KCNJ6: variants seen among roughly 807,000 people sequenced by gnomAD.
KCNJ6 encodes G protein-activated inward rectifier potassium channel 2.
Under a neutral mutation model 34.2 loss-of-function variants are expected in KCNJ6, and 9 were observed. The observed-to-expected ratio is 0.26, with a 90% CI of 0.16 to 0.46. KCNJ6 has a LOEUF of 0.46. Among genes scored for constraint, KCNJ6 ranks in the 20% least tolerant of loss-of-function variants. The pLI is 1.00. For synonymous variants in KCNJ6, 196 were observed against 207.1 expected (o/e 0.95, Z 0.46); for missense variants, 236 against 531.3 (o/e 0.44, Z 5.46).
At chr21:37,775,867 G>GT (rs550048944) in intron 2 of KCNJ6, among the ~76,000 whole-genome samples, 3 of 151,812 alleles carry the variant, frequency 2.0e-5, no homozygotes, top group African/African-American at 4.8e-5. Context: ...CTTTAAAGTA[G>GT]TTTTTTCCAA....
intron 3 of KCNJ6, among the ~76,000 whole-genome samples, chr21:37,645,830 T>G (rs78996972): frequency 0.025 from 3,879 of 152,220 alleles, 121 homozygotes; most frequent in African/African-American, 0.07. Context: ...TTTTTACTAT[T>G]AGAGCTGTCT....
intron 1 of KCNJ6, among the ~76,000 whole-genome samples, chr21:37,860,537 A>T (rs2055589479): frequency 6.6e-6 from 1 of 152,144 alleles, no homozygotes; most frequent in African/African-American, 2.4e-5. Context: ...TTTCCAGCAC[A>T]CTTGTGATAA....
At chr21:37,630,342 T>C (rs2054328741) in intron 3 of KCNJ6, among the ~76,000 whole-genome samples, 1 of 152,206 alleles carries the variant, frequency 6.6e-6, no homozygotes, top group Non-Finnish European at 1.5e-5. Flanking sequence ...GTATTGTGAA[T>C]GCCTTGAGGA....
At chr21:37,642,144 G>A (rs1313137598) in intron 3 of KCNJ6, among the ~76,000 whole-genome samples, 1 of 152,182 alleles carries the variant, frequency 6.6e-6, no homozygotes, top group Admixed American at 6.5e-5. Context: ...CAGATCTACA[G>A]AAGAGGCCTT....
intron 2 of KCNJ6, among the ~76,000 whole-genome samples, chr21:37,785,051 G>A (rs1487232160): frequency 6.6e-6 from 1 of 152,148 alleles, no homozygotes; most frequent in Non-Finnish European, 1.5e-5. Context: ...GAGGAGCAGA[G>A]GAGGGACCTC....
rs1392788740 is a variant in KCNJ6, at chr21:37,895,170, C to T, written c.-28+20714G>A. On this transcript the variant is annotated intron_variant, in intron 1 of 3. Coordinates refer to ENST00000609713, the MANE Select transcript of KCNJ6 (RefSeq NM_002240.5). ...ATAGCAGTTCAGCTTCTTTCTAAAACCCAAATAATAGCCCTGGGATTTAGA... is the reference window on the plus strand; with the variant it reads ...ATAGCAGTTCAGCTTCTTTCTAAAATCCAAATAATAGCCCTGGGATTTAGA... Among the ~76,000 whole-genome samples the T allele has an allele frequency of 5.3e-5, 8 of 152,344 alleles. No homozygotes were observed. The East Asian group carries it at 1.5e-3, about 29-fold the overall frequency.
rs559873984 is a variant in KCNJ6, at chr21:37,788,263, T to C, written c.25+52395A>G. ...TGAATCTATGAAGATTTAACAGAATTTGGGCCCAATTCCAGTAGCTAGCCA... is the reference window on the plus strand; with the variant it reads ...TGAATCTATGAAGATTTAACAGAATCTGGGCCCAATTCCAGTAGCTAGCCA... On this transcript the variant is annotated intron_variant, in intron 2 of 3. Coordinates refer to ENST00000609713, the MANE Select transcript of KCNJ6 (RefSeq NM_002240.5). 5.9e-5 allele frequency among the ~76,000 whole-genome samples: 9 copies of C among 152,340 alleles called. No homozygotes were observed. The South Asian group carries it at 1.7e-3, about 28-fold the overall frequency.
intron 2 of KCNJ6, among the ~76,000 whole-genome samples, chr21:37,829,698 G>A (rs1306670298): frequency 6.6e-6 from 1 of 152,190 alleles, no homozygotes; most frequent in Admixed American, 6.5e-5. Flanking sequence ...TTCTGTAAGA[G>A]GAGTGGCAAA....
At chr21:37,864,038 G>C (rs561955163) in intron 1 of KCNJ6, among the ~76,000 whole-genome samples, 52 of 151,844 alleles carry the variant, frequency 3.4e-4, no homozygotes, top group African/African-American at 1.2e-3. Flanking sequence ...CTTGAGGCCG[G>C]TTTCAGTCTA....
intron 3 of KCNJ6, among the ~76,000 whole-genome samples, chr21:37,641,664 T>C (rs2054381435): frequency 6.7e-6 from 1 of 150,186 alleles, no homozygotes; most frequent in African/African-American, 2.5e-5. Context: ...GAAGGCTCCT[T>C]GGGTGTTCAA....
intron 1 of KCNJ6, among the ~76,000 whole-genome samples, chr21:37,912,517 C>T (rs981928666): frequency 1.3e-5 from 2 of 152,192 alleles, no homozygotes; most frequent in Admixed American, 1.3e-4. Flanking sequence ...CGTATAGCTT[C>T]ATCCTCATAA....
chr21:37,795,911 G>A (rs1229661774), intron 2 of KCNJ6, among the ~76,000 whole-genome samples: 1 of 152,048 alleles, frequency 6.6e-6, no homozygotes, highest in Non-Finnish European at 1.5e-5. Context: ...AGAGGTTAAG[G>A]AGTTTTCCTT....
intron 2 of KCNJ6, among the ~76,000 whole-genome samples, chr21:37,812,948 C>A (rs2055330030): frequency 6.6e-6 from 1 of 152,028 alleles, no homozygotes; most frequent in African/African-American, 2.4e-5. Context: ...TAAAGGGCAT[C>A]CAAATTGGTA....
rs2055608070 is a variant in KCNJ6, at chr21:37,863,865, T to TTTTTTTTTTTTTTTTG, written c.-27-23157_-27-23156insCAAAAAAAAAAAAAAA. Among the ~76,000 whole-genome samples the TTTTTTTTTTTTTTTTG allele has an allele frequency of 1.4e-5, 2 of 144,254 alleles. 1 individual carries two copies. Among genetic ancestry groups the TTTTTTTTTTTTTTTTG allele is most frequent in the Non-Finnish European group, 3.0e-5 (2 of 65,812 alleles). 94.6% of individuals were successfully genotyped at this position (144,254 alleles called of 152,430 possible). On this transcript the variant is annotated intron_variant, in intron 1 of 3. Coordinates refer to ENST00000609713, the MANE Select transcript of KCNJ6 (RefSeq NM_002240.5). Reference sequence around the variant, plus strand: ...ATAAAGGTTTTTTTTTTTTTGTTTTTTTTTTTTTTTGGTGAAGAGAGAGAA... The same window carrying TTTTTTTTTTTTTTTTG: ...ATAAAGGTTTTTTTTTTTTTGTTTTTTTTTTTTTTTTTTTTGTTTTTTTTTTGGTGAAGAGAGAGAA...
At chr21:37,759,867 C>T (rs1008976412) in intron 2 of KCNJ6, among the ~76,000 whole-genome samples, 3 of 152,202 alleles carry the variant, frequency 2.0e-5, no homozygotes, top group Non-Finnish European at 4.4e-5. Flanking sequence ...AGAAGAGGTG[C>T]TGTTAGGACT....
At chr21:37,908,550 G>A (rs1568892663) in intron 1 of KCNJ6, among the ~76,000 whole-genome samples, 1 of 152,144 alleles carries the variant, frequency 6.6e-6, no homozygotes, top group Non-Finnish European at 1.5e-5. Context: ...ACACAATGTG[G>A]GTGTAATTGT....
chr21:37,720,723 C>G (rs1014136051), intron 2 of KCNJ6, among the ~76,000 whole-genome samples: 1 of 141,066 alleles, frequency 7.1e-6, no homozygotes, highest in Non-Finnish European at 1.5e-5. Context: ...TTTTTTGAGA[C>G]GGAGTCTCGC....
intron 3 of KCNJ6, among the ~76,000 whole-genome samples, chr21:37,707,388 T>C (rs760915473): frequency 2.0e-5 from 3 of 152,188 alleles, no homozygotes; most frequent in African/African-American, 4.8e-5. Flanking sequence ...GATGATCTGC[T>C]CTAATGGAAT....
intron 2 of KCNJ6, among the ~76,000 whole-genome samples, chr21:37,745,571 G>A (rs2054963746): frequency 6.6e-6 from 1 of 152,310 alleles, no homozygotes; most frequent in African/African-American, 2.4e-5. Flanking sequence ...TTAGCCCAGT[G>A]AGACTCCTGT....
Sources: gnomAD v4.1 joint callset for allele counts (sites outside exome capture counted in the v4.1 genomes callset) on GRCh38, gnomAD v4.1.1 for gene constraint, MANE v1.5 for transcripts, NCBI Gene and HGNC (gene_info 2026-07-23, HGNC 2026-07-21) for gene names.